The following NUAK1 variants were observed in gnomAD, a reference collection of about 807,000 sequenced individuals.
NUAK1 encodes the protein NUAK family SNF1-like kinase 1.
A neutral mutation model predicts 56.9 loss-of-function variants in NUAK1; 26 were observed. The ratio of observed to expected loss-of-function variants is 0.46; its 90% CI spans 0.33 to 0.63. The LOEUF is 0.63. NUAK1 is among the 30% of genes least tolerant of loss of function. NUAK1 has a pLI of 0.02. For missense variants in NUAK1, 727 were observed against 876.1 expected, an observed-to-expected ratio of 0.83 and a Z score of 2.15; for synonymous variants, 337 against 336.0, an observed-to-expected ratio of 1.00 and a Z score of -0.03.
chr12:106,066,601 T>A lies in NUAK1; in HGVS notation c.*201A>T. 1 of 606,674 alleles carries A rather than the reference T, an allele frequency of 1.6e-6. No individual in the cohort carries two copies. The highest frequency in any genetic ancestry group is 2.9e-6 in the Non-Finnish European group (1 of 342,600). 37.6% of individuals were successfully genotyped at this position (606,674 alleles called of 1,614,324 possible). On this transcript the variant is annotated 3_prime_UTR_variant, in exon 7 of 7. Transcript: ENST00000261402. The stretch of plus-strand genomic sequence containing the variant: ...TGCCAAACAGGGCCCAAATTCTGAC[T>A]GACAATTGACAGAACTGGCAGAAGA...
intron 2 of NUAK1, among the ~76,000 whole-genome samples, chr12:106,097,350 A>G (rs796777540): frequency 1.3e-5 from 2 of 152,376 alleles, no homozygotes; most frequent in African/African-American, 4.8e-5. Flanking sequence ...AATGAATGGT[A>G]CCTGAAACAA....
intron 2 of NUAK1, among the ~76,000 whole-genome samples, chr12:106,093,782 G>C (rs2032661622): frequency 6.6e-6 from 1 of 152,158 alleles, no homozygotes. Flanking sequence ...GGGAGGAAGA[G>C]TCTTTTGTTG....
intron 2 of NUAK1, among the ~76,000 whole-genome samples, chr12:106,099,600 C>T (rs1175445428): frequency 1.3e-5 from 2 of 152,078 alleles, no homozygotes; most frequent in Non-Finnish European, 2.9e-5. Context: ...GTTCACCTCT[C>T]GGATCCACCA....
rs558597231 is a variant in NUAK1 at position 106,138,906 on chromosome 12, G to C, written c.-253C>G. On this transcript the variant is annotated 5_prime_UTR_variant, in exon 1 of 7. Coordinates refer to ENST00000261402, the MANE Select transcript of NUAK1 (RefSeq NM_014840.3). The surrounding 1 kb of genome is among the most constrained non-coding windows in gnomAD (Gnocchi z 5.0). ...GCTGTGGAGCGTCGGGCGAGGTGGC[G>C]GCGGTGGCAGGGGAGGCGGTGGTGT... 1.0e-3 allele frequency: 393 copies of C among 384,430 alleles called. 1 individual carries two copies. Among genetic ancestry groups the C allele is most frequent in the African/African-American group, 7.7e-3 (366 of 47,386 alleles). The allele number at this position is 384,430 out of a possible 1,614,324, so 23.8% of individuals were successfully genotyped here.
chr12:106,072,949 G>C, intron 4 of NUAK1, 106 bp from the exon 5 acceptor site: 1 of 1,340,122 alleles, frequency 7.5e-7, no homozygotes, highest in South Asian at 1.3e-5. Flanking sequence ...AGGGCACCTG[G>C]GTGGGTCTGC....
rs1262505937 is a variant in NUAK1, at chr12:106,066,712, C to T, written c.*90G>A. 4.5e-6 allele frequency: 5 copies of T among 1,107,764 alleles called. No homozygotes were observed. The highest frequency in any genetic ancestry group is 2.2e-5 in the Admixed American group (1 of 45,816). 68.6% of individuals were successfully genotyped at this position (1,107,764 alleles called of 1,614,324 possible). On this transcript the variant is annotated 3_prime_UTR_variant, in exon 7 of 7. Coordinates refer to ENST00000261402, the MANE Select transcript of NUAK1 (RefSeq NM_014840.3). ...CCAATCCTTTTTCAGTCTGTTGTCA[C>T]AGCCAGCAAAGAGGTAACCAGCCTG...
At chr12:106,082,069 T>C (rs147177811) in intron 4 of NUAK1, among the ~76,000 whole-genome samples, 2 of 152,358 alleles carry the variant, frequency 1.3e-5, no homozygotes, top group African/African-American at 4.8e-5. Context: ...CCCAGTATAG[T>C]AACAGTTAAG....
intron 1 of NUAK1, among the ~76,000 whole-genome samples, chr12:106,126,251 G>C (rs993273038): frequency 2.0e-5 from 3 of 152,198 alleles, no homozygotes; most frequent in Non-Finnish European, 2.9e-5. Context: ...TGAACTCAAC[G>C]GGGCAATATC....
chr12:106,122,402 C>T (rs191231903), intron 1 of NUAK1, among the ~76,000 whole-genome samples: 35 of 152,212 alleles, frequency 2.3e-4, no homozygotes, highest in Admixed American at 1.9e-3. Context: ...CCTGTTTATC[C>T]GCCTGAAAAA....
At chr12:106,097,059 T>A (rs2032703086) in intron 2 of NUAK1, among the ~76,000 whole-genome samples, 1 of 152,240 alleles carries the variant, frequency 6.6e-6, no homozygotes, top group Non-Finnish European at 1.5e-5. Context: ...ACATCAGGAA[T>A]AATCAATTCC....
rs887989326 is a variant in NUAK1, at chr12:106,066,058, C to G, written c.*744G>C. The G allele has an allele frequency of 3.3e-5, 5 of 152,260 alleles. No individual in the cohort carries two copies. Among genetic ancestry groups the G allele is most frequent in the African/African-American group, 4.8e-5 (2 of 41,438 alleles). 9.4% of individuals were successfully genotyped at this position (152,260 alleles called of 1,614,324 possible). A position where few individuals can be genotyped will look rare whatever the true frequency, so the allele number is the denominator to read the frequency against. ...GAGCATTCTCTCTCTGACCAAGGCC[C>G]TGTCTTTCCTCAAAGTTGAGTAGCA... On this transcript the variant is annotated 3_prime_UTR_variant, in exon 7 of 7. Coordinates refer to ENST00000261402, the MANE Select transcript of NUAK1 (RefSeq NM_014840.3).
chr12:106,130,212 C>A (rs2033063564), intron 1 of NUAK1, among the ~76,000 whole-genome samples: 1 of 152,224 alleles, frequency 6.6e-6, no homozygotes, highest in Non-Finnish European at 1.5e-5. Flanking sequence ...AAACTCCCAA[C>A]CTCCGGTGAT....
chr12:106,087,020 C>A (rs1411231191), intron 2 of NUAK1, 135 bp from the exon 3 acceptor site: 9 of 1,121,872 alleles, frequency 8.0e-6, no homozygotes, highest in African/African-American at 1.5e-5. Flanking sequence ...CACAAATCAG[C>A]CAATTCAGCA....
intron 2 of NUAK1, among the ~76,000 whole-genome samples, chr12:106,099,063 G>A (rs964673620): frequency 2.6e-5 from 4 of 152,144 alleles, no homozygotes; most frequent in Non-Finnish European, 4.4e-5. Context: ...ACTGAAAAGT[G>A]TACGTCTATC....
intron 4 of NUAK1, among the ~76,000 whole-genome samples, chr12:106,083,221 A>G (rs531651966): frequency 6.6e-6 from 1 of 152,220 alleles, no homozygotes; most frequent in East Asian, 1.9e-4. Flanking sequence ...AGGGGTGGGA[A>G]GGTGGAGAGG....
chr12:106,083,340 T>C (rs891626740), intron 4 of NUAK1, among the ~76,000 whole-genome samples: 1 of 152,138 alleles, frequency 6.6e-6, no homozygotes, highest in African/African-American at 2.4e-5. Context: ...CGACTTGAAT[T>C]TGGGCTCGTG....
Position 106,067,690 on chromosome 12 carries a change from C to T in NUAK1, c.1098G>A (p.Arg366=), listed in dbSNP as rs746769846. The change falls in exon 7 of 7, where the codon CGG becomes CGA. Residue 366 remains arginine (R), a synonymous_variant. Transcript: ENST00000261402. The surrounding 1 kb of genome is among the most constrained non-coding windows in gnomAD (Gnocchi z 6.0). ...TCTCTTTCTTGGATTTCTTCAGCGA[C>T]CGCTGCCGCTCTAGCATGACCTCAG... ...TTSEVMLERQ[R]SLKKSKKEND... is the part of the protein sequence containing the mutation. 3 of 1,614,230 alleles carry T rather than the reference C, an allele frequency of 1.9e-6. No individual in the cohort carries two copies. The highest frequency in any genetic ancestry group is 2.5e-6 in the Non-Finnish European group (3 of 1,180,036).
In NUAK1 at chr12:106,086,817, T is replaced by C. The variant is rs964345836; in HGVS notation, c.430A>G (p.Ile144Val). Residue 144 changes from isoleucine (I) to valine (V), a missense_variant, in exon 3 of 7, where the codon ATC (isoleucine) becomes GTC (valine). Transcript: ENST00000261402. The stretch of plus-strand genomic sequence containing the variant: ...TCACTGAGGCGTCGCCGCTCACTGA[T>C]GTAATCGTACAGCTCCCCTTTGCTG... Reference protein sequence around the residue: ...YASKGELYDYISERRRLSERE... With the variant: ...YASKGELYDYVSERRRLSERE... 4.3e-6 allele frequency: 7 copies of C among 1,614,202 alleles called. No individual in the cohort carries two copies. Among genetic ancestry groups the C allele is most frequent in the Non-Finnish European group, 5.9e-6 (7 of 1,180,026 alleles).
At chr12:106,105,799 G>A (rs1013870204) in intron 2 of NUAK1, 2 of 152,182 alleles carry the variant, frequency 1.3e-5, no homozygotes, top group African/African-American at 4.8e-5. Context: ...TCTGTGGGCG[G>A]TTTATTCTCT....
Sources: gnomAD v4.1 joint callset for allele counts (sites outside exome capture counted in the v4.1 genomes callset) on GRCh38, gnomAD v4.1.1 for gene constraint, Gnocchi (gnomAD v3.1) non-coding constraint, MANE v1.5 for transcripts, NCBI Gene and HGNC (gene_info 2026-07-23, HGNC 2026-07-21) for gene names.